CACNB1: variants seen among roughly 807,000 people sequenced by gnomAD.
The protein encoded by CACNB1 is calcium voltage-gated channel auxiliary subunit beta 1.
In CACNB1, 29 loss-of-function variants were observed where a neutral mutation model predicts 71.6. The ratio of observed to expected loss-of-function variants is 0.40; its 90% CI spans 0.30 to 0.55. The LOEUF is 0.55. Ranked by LOEUF, CACNB1 falls within the 20% of genes least tolerant of loss-of-function variation. The pLI, the probability that CACNB1 is intolerant of heterozygous loss-of-function variation, is 0.38. For synonymous variants in CACNB1, 300 were observed against 319.6 expected (o/e 0.94, Z 0.65); for missense variants, 623 against 801.8 (o/e 0.78, Z 2.69).
At position 39,174,964 on chromosome 17, in the gene CACNB1, G is replaced by T; in HGVS notation, c.*229C>A. 2 of 563,524 alleles carry T rather than the reference G, an allele frequency of 3.5e-6. No individual in the cohort carries two copies. Among genetic ancestry groups the T allele is most frequent in the Non-Finnish European group, 6.3e-6 (2 of 319,368 alleles). 34.9% of individuals were successfully genotyped at this position (563,524 alleles called of 1,614,324 possible). Reference sequence around the variant, plus strand: ...AGAAAGGGGACACTTCAGAAAGGTGGGTATCCCCCATCCATCCACAACAGG... The same window carrying T: ...AGAAAGGGGACACTTCAGAAAGGTGTGTATCCCCCATCCATCCACAACAGG... On this transcript the variant is annotated 3_prime_UTR_variant, in exon 14 of 14. Transcript: ENST00000394303.
At chr17:39,178,992 A>T (rs1174549764) in intron 11 of CACNB1, among the ~76,000 whole-genome samples, 1 of 152,186 alleles carries the variant, frequency 6.6e-6, no homozygotes, top group Non-Finnish European at 1.5e-5. Context: ...GAAGCCTTCC[A>T]GATTAAAGAA....
At chr17:39,187,455 C>T (rs1210498997) in intron 4 of CACNB1, 24 bp downstream of exon 4, 1 of 1,613,294 alleles carries the variant, frequency 6.2e-7, no homozygotes, top group Admixed American at 1.7e-5. Flanking sequence ...CACCCACTTC[C>T]CTGCCCTCCC....
At chr17:39,179,024 T>G (rs1036443814) in intron 11 of CACNB1, among the ~76,000 whole-genome samples, 18 of 152,284 alleles carry the variant, frequency 1.2e-4, no homozygotes, top group African/African-American at 3.9e-4. Flanking sequence ...CTGGGTGCGG[T>G]GGGTCACACC....
intron 11 of CACNB1, among the ~76,000 whole-genome samples, chr17:39,179,589 A>AAAAGAAAGAAAG (rs984507016): frequency 2.0e-5 from 3 of 149,972 alleles, no homozygotes; most frequent in Non-Finnish European, 4.4e-5. Context: ...AAAAAAAAAA[A>AAAAGAAAGAAAG]AAAGAAAGAA....
At position 39,174,971 on chromosome 17, in the gene CACNB1, C is replaced by A; in HGVS notation, c.*222G>T. On this transcript the variant is annotated 3_prime_UTR_variant, in exon 14 of 14. Coordinates refer to ENST00000394303, the MANE Select transcript of CACNB1 (RefSeq NM_000723.5). ...GGACACTTCAGAAAGGTGGGTATCC[C>A]CCATCCATCCACAACAGGCAGGTAA... The A allele has an allele frequency of 1.8e-6, 1 of 568,554 alleles. No individual in the cohort carries two copies. The highest frequency in any genetic ancestry group is 3.1e-6 in the Non-Finnish European group (1 of 322,108). 35.2% of individuals were successfully genotyped at this position (568,554 alleles called of 1,614,324 possible).
At chr17:39,180,008 A>G (rs906820569) in intron 11 of CACNB1, among the ~76,000 whole-genome samples, 1 of 152,088 alleles carries the variant, frequency 6.6e-6, no homozygotes, top group African/African-American at 2.4e-5. Context: ...CACGCCTGTA[A>G]TCCCTACACT....
In CACNB1 at chr17:39,195,318, G is replaced by C. The variant is rs1011434855; in HGVS notation, c.85-348C>G. 8 of 204,372 alleles carry C rather than the reference G, an allele frequency of 3.9e-5. No homozygotes were observed. In the Admixed American group the frequency reaches 4.5e-4, roughly 12 times the overall value. The allele number at this position is 204,372 out of a possible 1,614,324, so 12.7% of individuals were successfully genotyped here. ...TAATTAAGATGCTGGGCAGGCTGCA[G>C]AGGCCTCCGAGGAAGGGAGAGGCAG... On this transcript the variant is annotated intron_variant, in intron 1 of 13. Transcript: ENST00000394303.
chr17:39,185,889 C>T (rs967448578), intron 6 of CACNB1: 2 of 1,552,364 alleles, frequency 1.3e-6, no homozygotes, highest in Non-Finnish European at 1.7e-6. Context: ...CAGCCCCCTT[C>T]CCTCCACCAA....
chr17:39,184,353 C>CTTATTTAGAAG lies in CACNB1; in HGVS notation c.759_760insCTTCTAAATAA (p.Asp254LeufsTer7). ...CCATCAAACCGATGCTTCAAGAAGT[C>CTTATTTAGAAG]AAATAAAGCTTTCTGCATCATGTCT... On this transcript the variant is annotated frameshift_variant, in exon 9 of 14. Transcript: ENST00000394303. LOFTEE classifies it high-confidence loss of function. 1 of 1,268,374 alleles carries CTTATTTAGAAG rather than the reference C, an allele frequency of 7.9e-7. No homozygotes were observed. The highest frequency in any genetic ancestry group is 1.0e-6 in the Non-Finnish European group (1 of 961,214). The allele number at this position is 1,268,374 out of a possible 1,614,324, so 78.6% of individuals were successfully genotyped here. A position where few individuals can be genotyped will look rare whatever the true frequency, so the allele number is the denominator to read the frequency against.
intron 11 of CACNB1, 130 bp downstream of exon 11, chr17:39,183,583 T>C: frequency 1.3e-6 from 1 of 773,608 alleles, no homozygotes; most frequent in Non-Finnish European, 2.1e-6. Flanking sequence ...ACGATGGAGC[T>C]TTACAGAGAA....
chr17:39,190,932 C>T (rs961017240), intron 3 of CACNB1, among the ~76,000 whole-genome samples: 2 of 151,936 alleles, frequency 1.3e-5, no homozygotes, highest in South Asian at 2.1e-4. Flanking sequence ...AGGTCAGGCA[C>T]GGTGGCTCAC....
rs2046162631 is a variant in CACNB1 at position 39,194,577 on chromosome 17, A to G, written c.171+307T>C. ...AGACAGCCGGCAGGGGGAGTGGGTG[A>G]CAGCCCGAAGCAAGCTGGAGGGAGG... On this transcript the variant is annotated intron_variant, in intron 2 of 13. Coordinates refer to ENST00000394303, the MANE Select transcript of CACNB1 (RefSeq NM_000723.5). The surrounding 1 kb of genome is among the most constrained non-coding windows in gnomAD (Gnocchi z 4.6). Among the ~76,000 whole-genome samples the G allele has an allele frequency of 6.6e-6, 1 of 151,954 alleles. No individual in the cohort carries two copies. The highest frequency in any genetic ancestry group is 2.1e-4 in the South Asian group (1 of 4,818).
intron 13 of CACNB1, chr17:39,177,130 A>G (rs1475075203): frequency 2.8e-6 from 4 of 1,429,054 alleles, no homozygotes; most frequent in South Asian, 1.5e-5. Flanking sequence ...CACAGACACC[A>G]GAAGCTGCCG....
At position 39,175,781 on chromosome 17, in the gene CACNB1, A is replaced by T; in HGVS notation, c.1333-124T>A. Reference sequence around the variant, plus strand: ...CCTGGATGAAGAGGGTGCTGGCTCTAGAGGAGGGGCCCCGGGGACAAACGG... The same window carrying T: ...CCTGGATGAAGAGGGTGCTGGCTCTTGAGGAGGGGCCCCGGGGACAAACGG... On this transcript the variant is annotated intron_variant, in intron 13 of 13. Transcript: ENST00000394303. This position sits in a 1 kb window ranked among gnomAD's most constrained non-coding sequence, Gnocchi z 4.7. 1.3e-4 allele frequency: 101 copies of T among 802,340 alleles called. No individual in the cohort carries two copies. Among genetic ancestry groups the T allele is most frequent in the African/African-American group, 4.3e-4 (25 of 57,704 alleles). 49.7% of individuals were successfully genotyped at this position (802,340 alleles called of 1,614,324 possible). A position where few individuals can be genotyped will look rare whatever the true frequency, so the allele number is the denominator to read the frequency against.
Position 39,197,518 on chromosome 17 carries a change from C to T in CACNB1, c.-23G>A, listed in dbSNP as rs1322375820. 2.0e-6 allele frequency: 3 copies of T among 1,479,450 alleles called. No homozygotes were observed. The highest frequency in any genetic ancestry group is 2.7e-6 in the Non-Finnish European group (3 of 1,114,470). 91.6% of individuals were successfully genotyped at this position (1,479,450 alleles called of 1,614,324 possible). A position where few individuals can be genotyped will look rare whatever the true frequency, so the allele number is the denominator to read the frequency against. On this transcript the variant is annotated 5_prime_UTR_variant, in exon 1 of 14. Transcript: ENST00000394303. ...CATGGAGAGGAGCCTCCCCTCCCGCCGCCGGCCCGGCCCAGCCGGGCTCCC... is the reference window on the plus strand; with the variant it reads ...CATGGAGAGGAGCCTCCCCTCCCGCTGCCGGCCCGGCCCAGCCGGGCTCCC...
intron 3 of CACNB1, among the ~76,000 whole-genome samples, chr17:39,189,189 C>T (rs1331946408): frequency 4.6e-5 from 7 of 151,660 alleles, no homozygotes; most frequent in Non-Finnish European, 1.0e-4. Context: ...ATGGTGAAAC[C>T]CCGTCTCTAC....
Position 39,173,948 on chromosome 17 carries a change from C to A in CACNB1, c.*1245G>T, listed in dbSNP as rs1383979893. ...GTGTCTTCTAATCAGTAAGTGGAAG[C>A]TGCACCCCACCCCCAGGTGGAGGGT... is the stretch of plus-strand genomic sequence containing the variant. On this transcript the variant is annotated 3_prime_UTR_variant, in exon 14 of 14. Transcript: ENST00000394303. 1 of 152,880 alleles carries A rather than the reference C, an allele frequency of 6.5e-6. No homozygotes were observed. Among genetic ancestry groups the A allele is most frequent in the Non-Finnish European group, 1.5e-5 (1 of 68,142 alleles). 9.5% of individuals were successfully genotyped at this position (152,880 alleles called of 1,614,324 possible).
intron 11 of CACNB1, among the ~76,000 whole-genome samples, chr17:39,181,266 T>G (rs2045752351): frequency 6.6e-6 from 1 of 151,982 alleles, no homozygotes; most frequent in East Asian, 1.9e-4. Flanking sequence ...GCTAATTTTT[T>G]GAATTTTAGT....
rs2045733175 is a variant in CACNB1, at chr17:39,180,690, G to A, written c.1051-2611C>T. On this transcript the variant is annotated intron_variant, in intron 11 of 13. Coordinates refer to ENST00000394303, the MANE Select transcript of CACNB1 (RefSeq NM_000723.5). ...AAAAAAGAGAGAAAGAAAGATAAAA[G>A]TAAATGTTTCAAAATTTGTGAATCT... 4.6e-5 allele frequency among the ~76,000 whole-genome samples: 7 copies of A among 151,854 alleles called. No individual in the cohort carries two copies. The South Asian group carries it at 1.5e-3, about 32-fold the overall frequency.
Sources: allele counts gnomAD v4.1 joint callset (sites outside exome capture counted in the v4.1 genomes callset), GRCh38; gene constraint gnomAD v4.1.1; non-coding constraint Gnocchi (gnomAD v3.1); transcripts MANE v1.5; gene names NCBI Gene and HGNC (gene_info 2026-07-23, HGNC 2026-07-21).